The following TENT2 variants were observed in gnomAD, a reference collection of about 807,000 sequenced individuals.
TENT2 encodes the protein poly(A) RNA polymerase GLD2.
In TENT2, 44 loss-of-function variants were observed where a neutral mutation model predicts 72.2. That is an observed-to-expected ratio of 0.61 (90% confidence interval 0.48 to 0.78). The LOEUF (loss-of-function observed/expected upper bound fraction) is 0.78, where lower values mean the gene tolerates loss of function less well. Among genes scored for constraint, TENT2 ranks in the 30% least tolerant of loss-of-function variants. The pLI, the probability that TENT2 is intolerant of heterozygous loss-of-function variation, is 0.00. For missense variants in TENT2, 541 were observed against 569.6 expected (o/e 0.95, Z 0.51); for synonymous variants, 212 against 192.5 (o/e 1.10, Z -0.84).
At chr5:79,642,936 T>A in intron 7 of TENT2, 26 bp downstream of exon 7, 3 of 1,602,976 alleles carry the variant, frequency 1.9e-6, no homozygotes, top group Non-Finnish European at 2.6e-6. Context: ...CTCAAGTTTG[T>A]ATGTCACCTG....
chr5:79,623,854 T>C (rs986716105), intron 4 of TENT2, among the ~76,000 whole-genome samples: 39 of 151,986 alleles, frequency 2.6e-4, no homozygotes, highest in Non-Finnish European at 5.4e-4. Flanking sequence ...ATTTGTGTTA[T>C]AACATGAGGT....
chr5:79,648,559 G>T, intron 8 of TENT2, 58 bp from the exon 9 acceptor site: 1 of 1,194,422 alleles, frequency 8.4e-7, no homozygotes, highest in Non-Finnish European at 1.2e-6. Context: ...TTATTAGGAA[G>T]GAAGTTTTTT....
At chr5:79,680,697 C>T (rs948179727) in intron 13 of TENT2, among the ~76,000 whole-genome samples, 5 of 152,126 alleles carry the variant, frequency 3.3e-5, no homozygotes, top group Non-Finnish European at 7.4e-5. Flanking sequence ...TTCTTTCTGC[C>T]TCCAGTCTTT....
chr5:79,620,274 T>C (rs961481673), intron 3 of TENT2, among the ~76,000 whole-genome samples, 191 bp downstream of exon 3: 36 of 152,226 alleles, frequency 2.4e-4, no homozygotes, highest in Non-Finnish European at 4.1e-4. Flanking sequence ...TTTGTTGATT[T>C]GTTCCTGCTT....
In TENT2 at chr5:79,619,796, T is replaced by C. The variant is rs1460886821; in HGVS notation, c.137+11T>C. The stretch of plus-strand genomic sequence containing the variant: ...CTTTCAGAATGCAGAGTGAGTATGG[T>C]GATATTTTGGCCCATGTTGTTGGTA... On this transcript the variant is annotated intron_variant, in intron 2 of 14. Coordinates refer to ENST00000453514, the MANE Select transcript of TENT2 (RefSeq NM_001114394.3). 6.2e-7 allele frequency: 1 copy of C among 1,607,478 alleles called. No homozygotes were observed. The highest frequency in any genetic ancestry group is 8.5e-7 in the Non-Finnish European group (1 of 1,176,980).
intron 10 of TENT2, among the ~76,000 whole-genome samples, chr5:79,649,631 A>G (rs1561525998): frequency 1.3e-5 from 2 of 152,130 alleles, no homozygotes; most frequent in Non-Finnish European, 2.9e-5. Context: ...TTATCTTCAT[A>G]GGGCTGTTTT....
intron 12 of TENT2, 36 bp downstream of exon 12, chr5:79,669,064 ATGTG>A (rs36079132): frequency 1.3e-6 from 2 of 1,591,216 alleles, no homozygotes; most frequent in African/African-American, 1.4e-5. Flanking sequence ...GTTCACTTAT[ATGTG>A]TGTGTGTGTG....
chr5:79,661,790 A>G (rs142560905), intron 11 of TENT2, among the ~76,000 whole-genome samples: 18 of 152,272 alleles, frequency 1.2e-4, no homozygotes, highest in East Asian at 1.2e-3. Context: ...AAATAAGACA[A>G]CGGTAAAGTT....
At chr5:79,621,876 T>C (rs1765293985) in intron 3 of TENT2, among the ~76,000 whole-genome samples, 1 of 152,230 alleles carries the variant, frequency 6.6e-6, no homozygotes, top group Non-Finnish European at 1.5e-5. Flanking sequence ...TAAAATACTT[T>C]TATGTTTAAA....
intron 4 of TENT2, among the ~76,000 whole-genome samples, chr5:79,635,116 A>C (rs945407000): frequency 4.6e-5 from 7 of 152,224 alleles, no homozygotes; most frequent in Non-Finnish European, 7.3e-5. Flanking sequence ...TTAGCCAAGG[A>C]TATTTCATAT....
At chr5:79,634,510 T>C (rs1467960910) in intron 4 of TENT2, among the ~76,000 whole-genome samples, 1 of 151,976 alleles carries the variant, frequency 6.6e-6, no homozygotes, top group Non-Finnish European at 1.5e-5. Flanking sequence ...CTGATTTTTT[T>C]GTATTTTTAG....
chr5:79,619,712 T>A lies in TENT2; in HGVS notation c.64T>A (p.Phe22Ile), dbSNP rs1243833935. 1 of 1,613,914 alleles carries A rather than the reference T, an allele frequency of 6.2e-7. No homozygotes were observed. Among genetic ancestry groups the A allele is most frequent in the Admixed American group, 1.7e-5 (1 of 60,016 alleles). Residue 22 changes from phenylalanine (F) to isoleucine (I), a missense_variant, in exon 2 of 15, where the codon TTC (phenylalanine) becomes ATC (isoleucine). Phe to Ile is a conservative substitution (Grantham distance 21). Coordinates refer to ENST00000453514, the MANE Select transcript of TENT2 (RefSeq NM_001114394.3). Reference sequence around the variant, plus strand: ...TCCAAATCATCAACAACATAATAACTTCTTTACCCTGTCACCTACTGTTTA... The same window carrying A: ...TCCAAATCATCAACAACATAATAACATCTTTACCCTGTCACCTACTGTTTA... ...FTPNHQQHNN[F>I]FTLSPTVYSH...
In TENT2 at chr5:79,620,213, T is replaced by G. The variant is rs1442814389; in HGVS notation, c.227+130T>G. On this transcript the variant is annotated intron_variant, in intron 3 of 14. Coordinates refer to ENST00000453514, the MANE Select transcript of TENT2 (RefSeq NM_001114394.3). ...GTTTTCTGGGACCTGTACGATCAGATGAGTCATGGAATTTTAACATTTTTA... is the reference window on the plus strand; with the variant it reads ...GTTTTCTGGGACCTGTACGATCAGAGGAGTCATGGAATTTTAACATTTTTA... The G allele has an allele frequency of 7.3e-6, 4 of 548,020 alleles. No homozygotes were observed. The South Asian group carries it at 1.1e-4, about 15-fold the overall frequency. 33.9% of individuals were successfully genotyped at this position (548,020 alleles called of 1,614,324 possible). A position where few individuals can be genotyped will look rare whatever the true frequency, so the allele number is the denominator to read the frequency against.
chr5:79,655,698 TA>T (rs1797436739), intron 10 of TENT2, among the ~76,000 whole-genome samples: 1 of 151,768 alleles, frequency 6.6e-6, no homozygotes, highest in Non-Finnish European at 1.5e-5. Context: ...GGGAAAGGAA[TA>T]TATATATCCT....
intron 8 of TENT2, among the ~76,000 whole-genome samples, chr5:79,645,646 TC>T (rs1343294612): frequency 6.6e-6 from 1 of 152,176 alleles, no homozygotes; most frequent in East Asian, 1.9e-4. Flanking sequence ...ATATACTTGT[TC>T]CATTTCAAAA....
chr5:79,677,917 C>T (rs149650854), intron 12 of TENT2, among the ~76,000 whole-genome samples: 143 of 152,338 alleles, frequency 9.4e-4, no homozygotes, highest in Admixed American at 1.8e-3. Flanking sequence ...CCTTCCACCT[C>T]AGCCTCCTGA....
Position 79,687,342 on chromosome 5 carries a change from T to C in TENT2, c.*2069T>C, listed in dbSNP as rs1379144634. On this transcript the variant is annotated 3_prime_UTR_variant, in exon 15 of 15. Transcript: ENST00000453514. ...TGAGTACTAAATTATTTTCTGTTTG[T>C]GTTGATCTGTCCATTTCTGTATATA... 6.6e-6 allele frequency among the ~76,000 whole-genome samples: 1 copy of C among 152,190 alleles called. No homozygotes were observed.
intron 11 of TENT2, 31 bp from the exon 12 acceptor site, chr5:79,668,861 T>C: frequency 6.3e-7 from 1 of 1,593,058 alleles, no homozygotes; most frequent in Non-Finnish European, 8.5e-7. Context: ...TTAAATGGCT[T>C]TACATTTTTT....
intron 4 of TENT2, among the ~76,000 whole-genome samples, chr5:79,631,794 G>C (rs1411021040): frequency 1.3e-5 from 2 of 152,168 alleles, no homozygotes; most frequent in Admixed American, 6.5e-5. Context: ...TCATGAATAA[G>C]GTTTCCCACA....
Sources: gnomAD v4.1 joint callset for allele counts (sites outside exome capture counted in the v4.1 genomes callset) on GRCh38, gnomAD v4.1.1 for gene constraint, MANE v1.5 for transcripts, NCBI Gene and HGNC (gene_info 2026-07-23, HGNC 2026-07-21) for gene names.